UNKL: variants seen among roughly 807,000 people sequenced by gnomAD.
The protein encoded by UNKL is unk like zinc finger.
UNKL carries 60 observed loss-of-function variants against 78.0 expected under a neutral mutation model. That is an observed-to-expected ratio of 0.77 (90% CI 0.63 to 0.95). The LOEUF (loss-of-function observed/expected upper bound fraction) is 0.95, where lower values mean the gene tolerates loss of function less well. UNKL is among the 40% of genes least tolerant of loss of function. UNKL has a pLI of 0.00. For missense variants in UNKL, 1,159 were observed against 1,045.7 expected (o/e 1.11, Z -1.49); for synonymous variants, 608 against 474.8 (o/e 1.28, Z -3.65).
At chr16:1,394,859 T>G (rs1177886068) in intron 6 of UNKL, among the ~76,000 whole-genome samples, 1 of 152,168 alleles carries the variant, frequency 6.6e-6, no homozygotes, top group Non-Finnish European at 1.5e-5. Flanking sequence ...GGGCACCCGG[T>G]GGGGTCCCGT....
chr16:1,411,896 C>G (rs1193042219), intron 2 of UNKL: 1 of 152,160 alleles, frequency 6.6e-6, no homozygotes, highest in African/African-American at 2.4e-5. Flanking sequence ...TTCTAGCGTC[C>G]TTAAAAAAAA....
At chr16:1,414,493 C>A (rs1002344288) in intron 1 of UNKL, 122 bp downstream of exon 1, 4 of 201,270 alleles carry the variant, frequency 2.0e-5, no homozygotes, top group Non-Finnish European at 3.5e-5. Flanking sequence ...GTGGCCCCCC[C>A]AGCCCAGGCG....
chr16:1,364,818 T>G lies in UNKL; in HGVS notation c.*1422A>C, dbSNP rs1004305971. On this transcript the variant is annotated 3_prime_UTR_variant, in exon 15 of 15. Transcript: ENST00000389221. Reference sequence around the variant, plus strand: ...CACATACACCCGGCACCCCGGACCCTGGCGCACACACGGCCCGAGCATCTC... The same window carrying G: ...CACATACACCCGGCACCCCGGACCCGGGCGCACACACGGCCCGAGCATCTC... 2.0e-5 allele frequency: 3 copies of G among 152,322 alleles called. No individual in the cohort carries two copies. Among genetic ancestry groups the G allele is most frequent in the African/African-American group, 7.2e-5 (3 of 41,542 alleles). 9.4% of individuals were successfully genotyped at this position (152,322 alleles called of 1,614,324 possible).
chr16:1,367,911 T>G (rs905728626), intron 12 of UNKL, 53 bp from the exon 13 acceptor site: 214 of 1,463,620 alleles, frequency 1.5e-4, no homozygotes, highest in Non-Finnish European at 1.8e-4. Context: ...CGCGGCCTGG[T>G]GGGATTGGTG....
At chr16:1,370,486 A>G (rs12597285) in intron 11 of UNKL, 129 bp from the exon 12 acceptor site, 1,082,394 of 1,199,492 alleles carry the variant, frequency 0.9, 490,058 homozygotes, top group East Asian at 1. Context: ...GTGGGAATAT[A>G]GGGGCCAGGC....
chr16:1,368,113 G>A (rs2035461217), intron 12 of UNKL: 1 of 547,684 alleles, frequency 1.8e-6, no homozygotes, highest in African/African-American at 1.9e-5. Context: ...CACCTGAGGA[G>A]TCTAAACAGA....
intron 10 of UNKL, among the ~76,000 whole-genome samples, chr16:1,380,384 C>G (rs969600346): frequency 6.6e-6 from 1 of 152,180 alleles, no homozygotes; most frequent in Non-Finnish European, 1.5e-5. Flanking sequence ...CACCTGGGGC[C>G]AGACAGTCCC....
In UNKL at chr16:1,370,288, T is replaced by C; in HGVS notation, c.1427A>G (p.His476Arg). The C allele has an allele frequency of 6.5e-7, 1 of 1,533,634 alleles. No homozygotes were observed. The highest frequency in any genetic ancestry group is 8.7e-7 in the Non-Finnish European group (1 of 1,145,464). Residue 476 changes from histidine to arginine, a missense_variant, in exon 12 of 15, where the codon CAC (histidine) becomes CGC (arginine). By Grantham distance (29) the His-to-Arg change is conservative. Coordinates refer to ENST00000389221, the MANE Select transcript of UNKL (RefSeq NM_001372107.1). ...PGSLPRAPSL[H>R]SPSSASTSPL... ...CGAGGTGGACGCAGAGGATGGCGAGTGTAGCGATGGTGCTCTGGGCAGGGA... is the reference window on the plus strand; with the variant it reads ...CGAGGTGGACGCAGAGGATGGCGAGCGTAGCGATGGTGCTCTGGGCAGGGA...
chr16:1,404,358 G>A (rs1262243074), intron 2 of UNKL, among the ~76,000 whole-genome samples: 2 of 152,200 alleles, frequency 1.3e-5, no homozygotes, highest in African/African-American at 2.4e-5. Context: ...CTCCAGCCAG[G>A]GATGGCTGGG....
intron 2 of UNKL, chr16:1,408,990 C>T (rs2037912470): frequency 6.6e-6 from 1 of 151,018 alleles, no homozygotes. Flanking sequence ...GATCTCGGCT[C>T]ACTGCAACCT....
chr16:1,367,076 C>A lies in UNKL; in HGVS notation c.2046+16G>T. On this transcript the variant is annotated intron_variant, in intron 14 of 14. Transcript: ENST00000389221. ...CAGGCAGGCTGGCCCCTCACCCTGC[C>A]CAGAGCAGGACTCACGCCGTCCACC... is the stretch of plus-strand genomic sequence containing the variant. 6.6e-7 allele frequency: 1 copy of A among 1,522,316 alleles called. No individual in the cohort carries two copies. Among genetic ancestry groups the A allele is most frequent in the Non-Finnish European group, 8.8e-7 (1 of 1,137,118 alleles). The allele number at this position is 1,522,316 out of a possible 1,614,324, so 94.3% of individuals were successfully genotyped here. A position where few individuals can be genotyped will look rare whatever the true frequency, so the allele number is the denominator to read the frequency against.
chr16:1,401,640 C>G lies in UNKL; in HGVS notation c.526G>C (p.Asp176His). The G allele has an allele frequency of 6.2e-7, 1 of 1,612,080 alleles. No homozygotes were observed. The highest frequency in any genetic ancestry group is 1.3e-5 in the African/African-American group (1 of 74,994). ...CTGGCCAAGACCCCAGGCTGCAGAT[C>G]CGGGACCCCTTCCCCGCCGCCCAGC... is the stretch of plus-strand genomic sequence containing the variant. ...GQLGGGEGVP[D>H]LQPGVLASQA... Residue 176 changes from aspartate to histidine, a missense_variant, in exon 4 of 15, where the codon GAT becomes CAT. Coordinates refer to ENST00000389221, the MANE Select transcript of UNKL (RefSeq NM_001372107.1).
rs116023973 is a variant in UNKL, at chr16:1,401,958, C to T, written c.465-257G>A. On this transcript the variant is annotated intron_variant, in intron 3 of 14. Transcript: ENST00000389221. ...TGTCCCCCAGGCTGGAGTGCAGTGA[C>T]GCAATCACAGCTCATTGCAGTCTCC... 1.4e-3 allele frequency among the ~76,000 whole-genome samples: 210 copies of T among 152,314 alleles called. 1 individual carries two copies. The highest frequency in any genetic ancestry group is 4.7e-3 in the African/African-American group (197 of 41,578).
intron 11 of UNKL, among the ~76,000 whole-genome samples, chr16:1,371,247 G>GC (rs1252810875): frequency 6.6e-6 from 1 of 152,234 alleles, no homozygotes; most frequent in East Asian, 1.9e-4. Context: ...AAGTGGGCAG[G>GC]CCCGAGGCAG....
chr16:1,399,342 G>T lies in UNKL; in HGVS notation c.734+32C>A. 1.3e-6 allele frequency: 2 copies of T among 1,535,276 alleles called. No homozygotes were observed. The highest frequency in any genetic ancestry group is 1.2e-5 in the South Asian group (1 of 82,842). ...GGGCCGGGAAGGACGCCCACCAGCCGGAGTCCTCTGAGCACGGTCCCGCAG... is the reference window on the plus strand; with the variant it reads ...GGGCCGGGAAGGACGCCCACCAGCCTGAGTCCTCTGAGCACGGTCCCGCAG... On this transcript the variant is annotated intron_variant, in intron 5 of 14. Coordinates refer to ENST00000389221, the MANE Select transcript of UNKL (RefSeq NM_001372107.1). This position sits in a 1 kb window ranked among gnomAD's most constrained non-coding sequence, Gnocchi z 5.8.
intron 2 of UNKL, among the ~76,000 whole-genome samples, chr16:1,412,711 C>T (rs572950344): frequency 6.3e-4 from 96 of 152,308 alleles, no homozygotes; most frequent in Middle Eastern, 3.4e-3. Flanking sequence ...TATTCTACAG[C>T]GTGAATATTC....
chr16:1,404,471 T>C (rs1483866656), intron 2 of UNKL, among the ~76,000 whole-genome samples: 1 of 152,178 alleles, frequency 6.6e-6, no homozygotes, highest in Non-Finnish European at 1.5e-5. Flanking sequence ...GCTGGGCACC[T>C]GTGATGTGCC....
In UNKL at chr16:1,368,120, CAG is replaced by C. The variant is rs1176513473; in HGVS notation, c.1586-264_1586-263del. 9 of 532,108 alleles carry C rather than the reference CAG, an allele frequency of 1.7e-5. No individual in the cohort carries two copies. The South Asian group carries it at 2.2e-4, about 13-fold the overall frequency. The allele number at this position is 532,108 out of a possible 1,614,324, so 33.0% of individuals were successfully genotyped here. ...TTCCTGGCCACCTGAGGAGTCTAAA[CAG>C]AGAGGAATTAAATTCAAGTTCCTGG... On this transcript the variant is annotated intron_variant, in intron 12 of 14. Transcript: ENST00000389221.
chr16:1,413,107 G>C (rs1445681683), intron 2 of UNKL, among the ~76,000 whole-genome samples: 1 of 151,948 alleles, frequency 6.6e-6, no homozygotes, highest in Non-Finnish European at 1.5e-5. Context: ...AAATTAGCTG[G>C]CATGGCATGA....
Sources: allele counts gnomAD v4.1 joint callset (sites outside exome capture counted in the v4.1 genomes callset), GRCh38; gene constraint gnomAD v4.1.1; non-coding constraint Gnocchi (gnomAD v3.1); transcripts MANE v1.5; gene names NCBI Gene and HGNC (gene_info 2026-07-23, HGNC 2026-07-21).